The following DYNAP variants were observed in gnomAD, a reference collection of about 807,000 sequenced individuals.
DYNAP encodes dynactin-associated protein.
DYNAP carries 7 observed loss-of-function variants against 8.5 expected under a neutral mutation model. The observed-to-expected ratio is 0.82, with a 90% confidence interval of 0.47 to 1.54. The LOEUF is 1.54. Ranked by LOEUF, DYNAP falls within the 40% of genes most tolerant of loss-of-function variation. The probability of loss-of-function intolerance (pLI) is 0.01; values close to 1 mark genes in which losing one functional copy is unlikely to be tolerated. For synonymous variants in DYNAP, 77 were observed against 77.9 expected, an observed-to-expected ratio of 0.99 and a Z score of 0.06; for missense variants, 256 against 224.3, an observed-to-expected ratio of 1.14 and a Z score of -0.90.
chr18:54,593,485 C>T (rs1203968833), intron 1 of DYNAP, among the ~76,000 whole-genome samples: 2 of 152,126 alleles, frequency 1.3e-5, no homozygotes, highest in Non-Finnish European at 2.9e-5. Context: ...ATCATATGAG[C>T]AAATCTGTAA....
intron 2 of DYNAP, among the ~76,000 whole-genome samples, chr18:54,596,612 T>A (rs1392726109): frequency 2.0e-5 from 3 of 152,176 alleles, no homozygotes; most frequent in Non-Finnish European, 4.4e-5. Flanking sequence ...CAGGAAAGTT[T>A]AGAGAGTTGC....
chr18:54,580,927 A>G, the DYNAP span, among the ~76,000 whole-genome samples: 12,636 of 152,250 alleles, frequency 0.083, 860 homozygotes, highest in African/African-American at 0.19. Context: ...CCTAGAAAAA[A>G]AAATCTAGGG....
At chr18:54,587,838 T>A (rs1449428875), upstream of DYNAP, 1 of 400,630 alleles carries the variant, frequency 2.5e-6, no homozygotes, top group Non-Finnish European at 4.4e-6. Flanking sequence ...ACAGCAAAAG[T>A]CACCCAAAAA....
chr18:54,577,963 C>A, the DYNAP span, among the ~76,000 whole-genome samples: 682 of 132,560 alleles, frequency 5.1e-3, no homozygotes, highest in African/African-American at 6.1e-3. Flanking sequence ...GACTCAGCCT[C>A]AAAAAAAAAA....
At chr18:54,591,370 G>A in intron 1 of DYNAP, 31 bp downstream of exon 1, 2 of 1,582,778 alleles carry the variant, frequency 1.3e-6, no homozygotes, top group Non-Finnish European at 1.7e-6. Flanking sequence ...TTGATAGTTT[G>A]CCTATATTAC....
chr18:54,577,467 G>C, the DYNAP span, among the ~76,000 whole-genome samples: 14 of 152,000 alleles, frequency 9.2e-5, no homozygotes, highest in Admixed American at 9.2e-4. Context: ...TGTGGTCCCA[G>C]CTACTTGGGA....
In DYNAP at chr18:54,595,007, A is replaced by G; in HGVS notation, c.126A>G (p.Ile42Met). Residue 42 changes from isoleucine to methionine, a missense_variant, in exon 2 of 3, where the codon ATA becomes ATG. By Grantham distance (10) the Ile-to-Met change is conservative (BLOSUM62 1). Coordinates refer to ENST00000648945, the MANE Select transcript of DYNAP (RefSeq NM_173629.3). The stretch of plus-strand genomic sequence containing the variant: ...GCTGGTGTCTACCTTCAAATGATAT[A>G]ACCAGTGATGTCTCTCCCAACTTAA... ...SICWCLPSND[I>M]TSDVSPNLTG... 6.2e-7 allele frequency: 1 copy of G among 1,612,830 alleles called. No homozygotes were observed. Among genetic ancestry groups the G allele is most frequent in the Admixed American group, 1.7e-5 (1 of 59,918 alleles).
chr18:54,597,806 T>C lies in DYNAP; in HGVS notation c.223-7T>C. 2 of 1,596,560 alleles carry C rather than the reference T, an allele frequency of 1.3e-6. No individual in the cohort carries two copies. The highest frequency in any genetic ancestry group is 8.6e-7 in the Non-Finnish European group (1 of 1,168,886). On this transcript the variant is annotated splice_polypyrimidine_tract_variant and splice_region_variant and intron_variant, in intron 2 of 2. Coordinates refer to ENST00000648945, the MANE Select transcript of DYNAP (RefSeq NM_173629.3). ...TTCATTGCTGATATTTTTATATACA[T>C]GCTTAGGTAAAAGAATATTGCCGCA...
chr18:54,591,296 A>C lies in DYNAP; in HGVS notation c.14A>C (p.His5Pro). The change falls in exon 1 of 3, where the codon CAT becomes CCT. Residue 5 changes from histidine to proline, a missense_variant. By Grantham distance (77) the His-to-Pro change is moderately conservative. Coordinates refer to ENST00000648945, the MANE Select transcript of DYNAP (RefSeq NM_173629.3). MDRK[H>P]GKYILNVEHS... ...GGCAGCTCAAGAATGGACAGAAAGC[A>C]TGGAAAATACATATTGAACGTTGAG... is the stretch of plus-strand genomic sequence containing the variant. 2.5e-6 allele frequency: 4 copies of C among 1,612,744 alleles called. No homozygotes were observed. Among genetic ancestry groups the C allele is most frequent in the Non-Finnish European group, 3.4e-6 (4 of 1,179,182 alleles).
chr18:54,579,762 G>A, the DYNAP span, among the ~76,000 whole-genome samples: 1 of 152,190 alleles, frequency 6.6e-6, no homozygotes, highest in African/African-American at 2.4e-5. Flanking sequence ...AGATCTTTCT[G>A]AATCCTCACT....
chr18:54,579,685 C>T, the DYNAP span, among the ~76,000 whole-genome samples: 1 of 152,268 alleles, frequency 6.6e-6, no homozygotes, highest in East Asian at 1.9e-4. Context: ...AAAAATATTT[C>T]TGTCTCAAAA....
chr18:54,575,950 C>G, the DYNAP span, among the ~76,000 whole-genome samples: 3 of 152,296 alleles, frequency 2.0e-5, no homozygotes, highest in Middle Eastern at 6.8e-3. Context: ...ATATTCTAAT[C>G]TCTCTCATCA....
chr18:54,590,460 AT>A (rs1290981021), upstream of DYNAP, among the ~76,000 whole-genome samples: 1 of 152,170 alleles, frequency 6.6e-6, no homozygotes, highest in Admixed American at 6.6e-5. Flanking sequence ...TATTGAATAC[AT>A]TTATAAGAGA....
chr18:54,594,657 C>T (rs1911209977), intron 1 of DYNAP, among the ~76,000 whole-genome samples: 1 of 152,078 alleles, frequency 6.6e-6, no homozygotes, highest in Admixed American at 6.6e-5. Context: ...AATATATGCT[C>T]CACATACAGC....
At chr18:54,580,994 G>A in the DYNAP span, among the ~76,000 whole-genome samples, 1 of 152,068 alleles carries the variant, frequency 6.6e-6, no homozygotes, top group African/African-American at 2.4e-5. Flanking sequence ...TAACATGGTT[G>A]GTATTCATTA....
At chr18:54,577,114 C>G in the DYNAP span, among the ~76,000 whole-genome samples, 1 of 152,112 alleles carries the variant, frequency 6.6e-6, no homozygotes, top group Non-Finnish European at 1.5e-5. Flanking sequence ...GAAGGTTTCT[C>G]TAAGGCAAAA....
At chr18:54,576,735 C>G in the DYNAP span, among the ~76,000 whole-genome samples, 8 of 151,696 alleles carry the variant, frequency 5.3e-5, no homozygotes, top group South Asian at 4.2e-4. Context: ...CCCAGGAAGT[C>G]GAGGCTGCGG....
At chr18:54,591,524 A>G (rs1911076207) in intron 1 of DYNAP, among the ~76,000 whole-genome samples, 185 bp downstream of exon 1, 1 of 152,104 alleles carries the variant, frequency 6.6e-6, no homozygotes, top group Non-Finnish European at 1.5e-5. Context: ...TTGCTATGTT[A>G]TATATTTAGG....
chr18:54,584,672 G>C (rs1465522320), upstream of DYNAP, among the ~76,000 whole-genome samples: 1 of 152,174 alleles, frequency 6.6e-6, no homozygotes, highest in African/African-American at 2.4e-5. Context: ...ATACCTGGTA[G>C]GAAGAGAGAG....
Sources: gnomAD v4.1 joint callset for allele counts (sites outside exome capture counted in the v4.1 genomes callset) on GRCh38, gnomAD v4.1.1 for gene constraint, MANE v1.5 for transcripts, NCBI Gene and HGNC (gene_info 2026-07-23, HGNC 2026-07-21) for gene names.